Variants in RASGEF1C observed in about 807,000 individuals in gnomAD.
RASGEF1C encodes RasGEF domain family member 1C, also known as ras-GEF domain-containing family member 1C.
A neutral mutation model predicts 58.1 loss-of-function variants in RASGEF1C; 27 were observed. That is an observed-to-expected ratio of 0.46 (90% CI 0.34 to 0.64). The LOEUF (loss-of-function observed/expected upper bound fraction) is 0.64, where lower values mean the gene tolerates loss of function less well. Among genes scored for constraint, RASGEF1C ranks in the 30% least tolerant of loss-of-function variants. The pLI, the probability that RASGEF1C is intolerant of heterozygous loss-of-function variation, is 0.01. For synonymous variants in RASGEF1C, 243 were observed against 246.3 expected (o/e 0.99, Z 0.13); for missense variants, 502 against 605.1 (o/e 0.83, Z 1.79).
At chr5:180,169,307 C>T (rs746717890) in intron 1 of RASGEF1C, among the ~76,000 whole-genome samples, 2 of 152,150 alleles carry the variant, frequency 1.3e-5, no homozygotes, top group Admixed American at 1.3e-4. Context: ...CTGCTGGCTG[C>T]GCCCCGAACA....
chr5:180,171,114 C>G (rs1276934109), intron 1 of RASGEF1C, among the ~76,000 whole-genome samples: 3 of 152,192 alleles, frequency 2.0e-5, no homozygotes, highest in Non-Finnish European at 4.4e-5. Flanking sequence ...ATCCTGTGGC[C>G]TTCCCCCAGC....
At chr5:180,141,576 A>C (rs1052217236) in intron 1 of RASGEF1C, among the ~76,000 whole-genome samples, 19 of 152,178 alleles carry the variant, frequency 1.2e-4, no homozygotes, top group African/African-American at 4.6e-4. Context: ...AGGAGAACAG[A>C]GTGTCACTTG....
intron 12 of RASGEF1C, among the ~76,000 whole-genome samples, chr5:180,110,089 G>A (rs767006861): frequency 4.0e-5 from 6 of 151,662 alleles, no homozygotes; most frequent in Admixed American, 6.6e-5. Context: ...TGTGGACTTC[G>A]CCTGGGCAGC....
rs58186979 is a variant in RASGEF1C at position 180,184,730 on chromosome 5, G to C, written c.-7+24298C>G. On this transcript the variant is annotated intron_variant, in intron 1 of 13. Transcript: ENST00000361132. Reference sequence around the variant, plus strand: ...AGTGAAAGTATGTAAAAAGGAAAGAGAGCTGGTATGTCTATAATTATTTTA... The same window carrying C: ...AGTGAAAGTATGTAAAAAGGAAAGACAGCTGGTATGTCTATAATTATTTTA... Among the ~76,000 whole-genome samples, 526 of 152,302 alleles carry C rather than the reference G, an allele frequency of 3.5e-3. 5 individuals carry two copies. The highest frequency in any genetic ancestry group is 0.011 in the African/African-American group (470 of 41,576).
chr5:180,139,792 C>T (rs564327666), intron 1 of RASGEF1C, among the ~76,000 whole-genome samples: 4 of 152,318 alleles, frequency 2.6e-5, no homozygotes, highest in South Asian at 2.1e-4. Flanking sequence ...GCAGGGTGCA[C>T]GCTGCTCTGC....
At chr5:180,142,715 G>A (rs747435315) in intron 1 of RASGEF1C, among the ~76,000 whole-genome samples, 2 of 152,070 alleles carry the variant, frequency 1.3e-5, no homozygotes, top group Non-Finnish European at 2.9e-5. Flanking sequence ...TGCGGATGGT[G>A]GGAATGACAT....
chr5:180,147,876 T>C (rs2113288283), intron 1 of RASGEF1C, among the ~76,000 whole-genome samples: 2 of 152,274 alleles, frequency 1.3e-5, no homozygotes, highest in East Asian at 3.9e-4. Context: ...TTCTATCCAT[T>C]ATTGAGAGTG....
intron 4 of RASGEF1C, among the ~76,000 whole-genome samples, chr5:180,132,922 C>G (rs1766394859): frequency 6.7e-6 from 1 of 148,758 alleles, no homozygotes; most frequent in Non-Finnish European, 1.5e-5. Flanking sequence ...TGAGCCAAAT[C>G]ACGCCACTGT....
intron 1 of RASGEF1C, among the ~76,000 whole-genome samples, chr5:180,173,915 C>CAAG (rs1385534757): frequency 7.2e-6 from 1 of 138,728 alleles, no homozygotes; most frequent in Admixed American, 7.2e-5. Context: ...TGTCTCAAAA[C>CAAG]AACCACCAAA....
chr5:180,136,603 C>T lies in RASGEF1C; in HGVS notation c.301-88G>A, dbSNP rs1766480792. ...GCGCGTCCTTGCGGGTCTGGCCGCC[C>T]GGGGCAGGCAGGGCCTCGTGCCCTC... On this transcript the variant is annotated intron_variant, in intron 3 of 13. Transcript: ENST00000361132. 7 of 1,430,674 alleles carry T rather than the reference C, an allele frequency of 4.9e-6. No individual in the cohort carries two copies. The Admixed American group carries it at 7.2e-5, about 15-fold the overall frequency. 88.6% of individuals were successfully genotyped at this position (1,430,674 alleles called of 1,614,324 possible).
chr5:180,102,582 C>T (rs759219532), intron 12 of RASGEF1C, among the ~76,000 whole-genome samples: 2 of 152,192 alleles, frequency 1.3e-5, no homozygotes, highest in Admixed American at 6.5e-5. Context: ...AGGTGTGAGG[C>T]TTGGGCTGGG....
rs565413135 is a variant in RASGEF1C, at chr5:180,156,323, G to A, written c.-6-18265C>T. Among the ~76,000 whole-genome samples, 1 of 152,298 alleles carries A rather than the reference G, an allele frequency of 6.6e-6. No individual in the cohort carries two copies. The highest frequency in any genetic ancestry group is 2.1e-4 in the South Asian group (1 of 4,822). ...GTCTCCAGGCTGTGGTCTGATTCCC[G>A]CTTCTCTGGGAGCTGACAAGGCCCC... On this transcript the variant is annotated intron_variant, in intron 1 of 13. Coordinates refer to ENST00000361132, the MANE Select transcript of RASGEF1C (RefSeq NM_175062.4). The surrounding 1 kb of genome is among the most constrained non-coding windows in gnomAD (Gnocchi z 4.9).
intron 1 of RASGEF1C, among the ~76,000 whole-genome samples, chr5:180,208,616 C>T (rs1306239388): frequency 1.3e-5 from 2 of 152,198 alleles, no homozygotes; most frequent in Non-Finnish European, 2.9e-5. Context: ...AGGCCCTTTC[C>T]CTTCTGCACG....
intron 1 of RASGEF1C, among the ~76,000 whole-genome samples, chr5:180,163,793 G>A (rs957561857): frequency 3.9e-5 from 6 of 152,136 alleles, no homozygotes; most frequent in African/African-American, 1.4e-4. Flanking sequence ...TTTTCTGAAA[G>A]CGACAGTATA....
At chr5:180,136,655 G>A (rs1451822999) in intron 3 of RASGEF1C, 140 bp from the exon 4 acceptor site, 2 of 883,860 alleles carry the variant, frequency 2.3e-6, no homozygotes, top group Non-Finnish European at 3.4e-6. Context: ...GGAGGGGGGT[G>A]CGATCCTGCT....
intron 1 of RASGEF1C, among the ~76,000 whole-genome samples, chr5:180,173,911 A>AAAAC (rs1767165298): frequency 1.0e-4 from 1 of 9,976 alleles, no homozygotes; most frequent in Admixed American, 8.7e-4. Context: ...AGACTGTCTC[A>AAAAC]AAACAACCAC....
chr5:180,133,484 G>A (rs772968824), intron 4 of RASGEF1C, among the ~76,000 whole-genome samples: 4 of 152,206 alleles, frequency 2.6e-5, no homozygotes, highest in African/African-American at 4.8e-5. Flanking sequence ...AGAAAGACAC[G>A]GCCCAGAGAG....
intron 12 of RASGEF1C, among the ~76,000 whole-genome samples, chr5:180,106,312 A>G (rs576171370): frequency 6.6e-6 from 1 of 151,954 alleles, no homozygotes; most frequent in East Asian, 1.9e-4. Context: ...TCTTATTTCC[A>G]TCCTGCTGCT....
At chr5:180,146,326 T>C (rs1477675808) in intron 1 of RASGEF1C, among the ~76,000 whole-genome samples, 1 of 152,152 alleles carries the variant, frequency 6.6e-6, no homozygotes, top group Non-Finnish European at 1.5e-5. Flanking sequence ...ATTTTGTATT[T>C]TGGTACTTTT....
Sources: gnomAD v4.1 joint callset for allele counts (sites outside exome capture counted in the v4.1 genomes callset) on GRCh38, gnomAD v4.1.1 for gene constraint, Gnocchi (gnomAD v3.1) non-coding constraint, MANE v1.5 for transcripts, NCBI Gene and HGNC (gene_info 2026-07-23, HGNC 2026-07-21) for gene names.